Variants in MTO1 observed in about 807,000 individuals in gnomAD.
The protein encoded by MTO1 is 5-taurinomethyluridine-[tRNA] synthase subunit MTO1, mitochondrial.
A neutral mutation model predicts 71.6 loss-of-function variants in MTO1; 46 were observed. The observed-to-expected ratio is 0.64, with a 90% CI of 0.51 to 0.82. MTO1 has a LOEUF of 0.82. Ranked by LOEUF, MTO1 falls within the 40% of genes least tolerant of loss-of-function variation. The probability of loss-of-function intolerance (pLI) is 0.00; values close to 1 mark genes in which losing one functional copy is unlikely to be tolerated. For missense variants in MTO1, 773 were observed against 867.5 expected, an observed-to-expected ratio of 0.89 and a Z score of 1.37; for synonymous variants, 297 against 312.1, an observed-to-expected ratio of 0.95 and a Z score of 0.51.
chr6:73,467,301 G>A (rs758416607), intron 3 of MTO1, among the ~76,000 whole-genome samples: 2 of 150,760 alleles, frequency 1.3e-5, no homozygotes, highest in Non-Finnish European at 3.0e-5. Context: ...GCAACAGAGT[G>A]AGACCCTGTG....
chr6:73,490,508 T>G (rs958488479), intron 9 of MTO1, among the ~76,000 whole-genome samples: 2 of 152,190 alleles, frequency 1.3e-5, no homozygotes, highest in African/African-American at 4.8e-5. Context: ...TTTCTACATA[T>G]GGCTAGCCAG....
intron 10 of MTO1, among the ~76,000 whole-genome samples, chr6:73,497,157 C>CTTTTTTTTTTTTTTTTTTT (rs765385743): frequency 2.2e-5 from 2 of 92,718 alleles, no homozygotes; most frequent in African/African-American, 8.2e-5. Context: ...GAAGCAAATT[C>CTTTTTTTTTTTTTTTTTTT]TTTTTTTTTT....
rs35651201 is a variant in MTO1, at chr6:73,476,449, C to CA, written c.825+2803dup. On this transcript the variant is annotated intron_variant, in intron 4 of 11. Transcript: ENST00000498286. ...TTTATTTTAAAAAGACGGAGAAAAA[C>CA]AAAAAAAAGTAAGCAACATCGAGAA... Among the ~76,000 whole-genome samples the CA allele has an allele frequency of 2.3e-3, 305 of 131,814 alleles. 1 individual carries two copies. Among genetic ancestry groups the CA allele is most frequent in the Non-Finnish European group, 4.1e-3 (251 of 61,340 alleles). The allele number at this position is 131,814 out of a possible 152,430, so 86.5% of individuals were successfully genotyped here.
intron 9 of MTO1, among the ~76,000 whole-genome samples, chr6:73,487,240 C>T (rs1050283509): frequency 4.3e-5 from 6 of 139,800 alleles, no homozygotes; most frequent in Non-Finnish European, 6.0e-5. Flanking sequence ...CTCTGTCACT[C>T]AGATTGGAGT....
At position 73,497,743 on chromosome 6, in the gene MTO1, T is replaced by G. The variant is rs770950545; in HGVS notation, c.1764T>G (p.Tyr588Ter). 1 of 1,611,606 alleles carries G rather than the reference T, an allele frequency of 6.2e-7. No individual in the cohort carries two copies. The highest frequency in any genetic ancestry group is 8.5e-7 in the Non-Finnish European group (1 of 1,178,162). The change falls in exon 11 of 12, where the codon TAT becomes TAG. Residue 588 changes from tyrosine (Y) to a stop codon, truncating the protein, a stop_gained. Coordinates refer to ENST00000498286, the MANE Select transcript of MTO1 (RefSeq NM_012123.4). LOFTEE classifies it high-confidence loss of function. ...LAERLKIEAT[Y>*]ESVLFHQLQE... Reference sequence around the variant, plus strand: ...TCTGATTTTGTTGACCAGCCACTTATGAATCAGTGTTGTTCCATCAACTAC... The same window carrying G: ...TCTGATTTTGTTGACCAGCCACTTAGGAATCAGTGTTGTTCCATCAACTAC...
intron 3 of MTO1, among the ~76,000 whole-genome samples, chr6:73,467,379 C>T (rs1771029534): frequency 6.6e-6 from 1 of 151,780 alleles, no homozygotes; most frequent in Non-Finnish European, 1.5e-5. Flanking sequence ...CTTTGGGAGG[C>T]CAAGGCAGGC....
intron 3 of MTO1, among the ~76,000 whole-genome samples, chr6:73,470,780 T>C (rs779589432): frequency 5.3e-5 from 8 of 152,004 alleles, no homozygotes; most frequent in Non-Finnish European, 7.4e-5. Flanking sequence ...ATGGCGAAAC[T>C]CGTCTCTACT....
At position 73,466,529 on chromosome 6, in the gene MTO1, G is replaced by A. The variant is rs769598652; in HGVS notation, c.458G>A (p.Gly153Glu). ...LNTPLLTVQE[G>E]AVEDLILTEP... Reference sequence around the variant, plus strand: ...ACACCACTGCTTACTGTTCAGGAGGGAGCTGTAGAAGATCTTATTCTTACA... The same window carrying A: ...ACACCACTGCTTACTGTTCAGGAGGAAGCTGTAGAAGATCTTATTCTTACA... Residue 153 changes from glycine (G) to glutamate (E), a missense_variant, in exon 3 of 12, where the codon GGA becomes GAA. By Grantham distance (98) the Gly-to-Glu change is moderately conservative (BLOSUM62 -2). Transcript: ENST00000498286. The A allele has an allele frequency of 6.8e-6, 11 of 1,614,064 alleles. No individual in the cohort carries two copies. In the South Asian group the frequency reaches 8.8e-5, roughly 13 times the overall value.
intron 3 of MTO1, among the ~76,000 whole-genome samples, chr6:73,471,206 C>CTTTT (rs11384040): frequency 1.1e-4 from 16 of 144,116 alleles, no homozygotes; most frequent in African/African-American, 4.1e-4. Context: ...GGAGGCCATG[C>CTTTT]TTTTTTTTTT....
At chr6:73,480,386 T>C in intron 6 of MTO1, 1 of 652,390 alleles carries the variant, frequency 1.5e-6, no homozygotes. Flanking sequence ...TTCTTCTGCC[T>C]CAGCCTCCTG....
intron 3 of MTO1, among the ~76,000 whole-genome samples, chr6:73,468,984 C>T (rs1179922863): frequency 6.6e-6 from 1 of 151,716 alleles, no homozygotes; most frequent in African/African-American, 2.4e-5. Context: ...AAGTATCTAG[C>T]GAACTTTGGT....
At chr6:73,496,000 T>C (rs564210005) in intron 10 of MTO1, among the ~76,000 whole-genome samples, 17 of 152,322 alleles carry the variant, frequency 1.1e-4, no homozygotes, top group African/African-American at 3.6e-4. Flanking sequence ...GACTGGAACC[T>C]ACCTTGTCTG....
At chr6:73,473,937 G>A (rs1056100609) in intron 4 of MTO1, among the ~76,000 whole-genome samples, 12 of 151,762 alleles carry the variant, frequency 7.9e-5, no homozygotes, top group African/African-American at 1.2e-4. Flanking sequence ...ATAGGCATGA[G>A]CCATTGTGCC....
intron 9 of MTO1, chr6:73,486,731 T>G: frequency 5.0e-5 from 13 of 260,450 alleles, no homozygotes; most frequent in East Asian, 1.3e-4. Flanking sequence ...AGAGTGAGAC[T>G]TCTCTCAAAA....
intron 9 of MTO1, among the ~76,000 whole-genome samples, chr6:73,482,822 C>T (rs12661226): frequency 4.8e-5 from 6 of 125,752 alleles, no homozygotes; most frequent in African/African-American, 1.8e-4. Context: ...GAGACAGTCT[C>T]GCTCTTTCAC....
chr6:73,499,853 C>T (rs921928250), intron 11 of MTO1, among the ~76,000 whole-genome samples: 1 of 152,196 alleles, frequency 6.6e-6, no homozygotes, highest in Non-Finnish European at 1.5e-5. Context: ...AATATTCATA[C>T]ATTTCACTGT....
intron 4 of MTO1, among the ~76,000 whole-genome samples, chr6:73,474,925 TTG>T (rs1561943155): frequency 6.6e-6 from 1 of 151,820 alleles, no homozygotes; most frequent in East Asian, 1.9e-4. Flanking sequence ...TGGCTAATTT[TTG>T]TATTTTTAAT....
At position 73,462,169 on chromosome 6, in the gene MTO1, A is replaced by T. The variant is rs764430981; in HGVS notation, c.217+98A>T. The T allele has an allele frequency of 1.0e-5, 13 of 1,299,256 alleles. No homozygotes were observed. In the Admixed American group the frequency reaches 2.6e-4, roughly 26 times the overall value. The allele number at this position is 1,299,256 out of a possible 1,614,324, so 80.5% of individuals were successfully genotyped here. A position where few individuals can be genotyped will look rare whatever the true frequency, so the allele number is the denominator to read the frequency against. ...GCGGGGGACCTCTTCCTTTCCTCAAAGCTAGTGAGAATCCTACCTTCTGTG... is the reference window on the plus strand; with the variant it reads ...GCGGGGGACCTCTTCCTTTCCTCAATGCTAGTGAGAATCCTACCTTCTGTG... On this transcript the variant is annotated intron_variant, in intron 1 of 11. Coordinates refer to ENST00000498286, the MANE Select transcript of MTO1 (RefSeq NM_012123.4).
intron 1 of MTO1, chr6:73,462,391 C>A: frequency 2.4e-6 from 1 of 417,122 alleles, no homozygotes; most frequent in Non-Finnish European, 4.4e-6. Flanking sequence ...CTGCGTTTAC[C>A]TTCTACTATG....
Sources: allele counts gnomAD v4.1 joint callset (sites outside exome capture counted in the v4.1 genomes callset), GRCh38; gene constraint gnomAD v4.1.1; transcripts MANE v1.5; gene names NCBI Gene and HGNC (gene_info 2026-07-23, HGNC 2026-07-21).